Variants in CFAP99 observed in about 807,000 individuals in gnomAD.
The protein encoded by CFAP99 is cilia and flagella associated protein 99.
CFAP99 carries 84 observed loss-of-function variants against 82.7 expected under a neutral mutation model. That is an observed-to-expected ratio of 1.02 (90% CI 0.85 to 1.22). The LOEUF (loss-of-function observed/expected upper bound fraction) is 1.22, where lower values mean the gene tolerates loss of function less well. Ranked by LOEUF, CFAP99 falls within the 50% of genes most tolerant of loss-of-function variation. The pLI is 0.00. For missense variants in CFAP99, 1,059 were observed against 983.5 expected (o/e 1.08, Z -1.03); for synonymous variants, 456 against 429.5 (o/e 1.06, Z -0.76).
At chr4:2,433,432 G>A (rs1446027117) in intron 2 of CFAP99, among the ~76,000 whole-genome samples, 1 of 151,174 alleles carries the variant, frequency 6.6e-6, no homozygotes, top group Non-Finnish European at 1.5e-5. Context: ...CGGGGCGGGG[G>A]GGGGACCAGT....
In CFAP99 at chr4:2,459,270, G is replaced by A. The variant is rs1476544671; in HGVS notation, c.1455+12G>A. The A allele has an allele frequency of 1.3e-6, 2 of 1,524,690 alleles. No homozygotes were observed. Among genetic ancestry groups the A allele is most frequent in the Non-Finnish European group, 1.8e-6 (2 of 1,140,864 alleles). 94.4% of individuals were successfully genotyped at this position (1,524,690 alleles called of 1,614,324 possible). On this transcript the variant is annotated intron_variant, in intron 13 of 14. Coordinates refer to ENST00000635017, the Ensembl canonical transcript of CFAP99. ...TGGACCTGACCCAGGTGAGGATGCAGTCCTGGACGGGCCCATGCCTCAGGG... is the reference window on the plus strand; with the variant it reads ...TGGACCTGACCCAGGTGAGGATGCAATCCTGGACGGGCCCATGCCTCAGGG...
intron 13 of CFAP99, 133 bp downstream of exon 13, chr4:2,459,391 TC>T (rs1215679061): frequency 3.6e-6 from 4 of 1,106,254 alleles, no homozygotes; most frequent in Non-Finnish European, 5.0e-6. Flanking sequence ...CCCGCCACCC[TC>T]CGTGACTCAA....
chr4:2,443,161 T>C, exon 5 of CFAP99: 1 of 1,534,644 alleles, frequency 6.5e-7, no homozygotes, highest in Non-Finnish European at 8.7e-7. Flanking sequence ...CCCCTGCACC[T>C]GTGCTCATGG....
intron 1 of CFAP99, among the ~76,000 whole-genome samples, chr4:2,424,962 T>C (rs1733655205): frequency 6.6e-6 from 1 of 152,252 alleles, no homozygotes; most frequent in Non-Finnish European, 1.5e-5. Context: ...CTCCTGTTAA[T>C]TGGGGTTTGG....
At chr4:2,434,363 C>G (rs1234396416) in intron 2 of CFAP99, among the ~76,000 whole-genome samples, 3 of 152,136 alleles carry the variant, frequency 2.0e-5, no homozygotes, top group Non-Finnish European at 2.9e-5. Context: ...GGAACTGCAC[C>G]CTGAGCCCCT....
chr4:2,420,219 A>G (rs1243197851), intron 1 of CFAP99, among the ~76,000 whole-genome samples: 1 of 151,732 alleles, frequency 6.6e-6, no homozygotes, highest in African/African-American at 2.4e-5. Flanking sequence ...AACCTACTCT[A>G]TCCACTCCCT....
rs1734509854 is a variant in CFAP99, at chr4:2,459,112, G to A, written c.1309G>A (p.Glu437Lys). The change falls in exon 13 of 15, where the codon GAG (glutamate) becomes AAG (lysine). Residue 437 changes from glutamate to lysine, a missense_variant. Glu to Lys is a moderately conservative substitution (Grantham distance 56). Coordinates refer to ENST00000635017, the Ensembl canonical transcript of CFAP99. ...CTCCTGGCTTGGCCCCCAAGTTCAG[G>A]AGGCGATCGAGGAGAGCAGGGGGCT... 2 of 1,515,552 alleles carry A rather than the reference G, an allele frequency of 1.3e-6. No individual in the cohort carries two copies. Among genetic ancestry groups the A allele is most frequent in the African/African-American group, 2.8e-5 (2 of 72,474 alleles). 93.9% of individuals were successfully genotyped at this position (1,515,552 alleles called of 1,614,324 possible). A position where few individuals can be genotyped will look rare whatever the true frequency, so the allele number is the denominator to read the frequency against.
At chr4:2,440,760 T>C (rs1193787811) in intron 4 of CFAP99, among the ~76,000 whole-genome samples, 2 of 150,636 alleles carry the variant, frequency 1.3e-5, no homozygotes, top group Non-Finnish European at 3.0e-5. Context: ...ACCTGGCTAA[T>C]TTTTTTTGTA....
exon 11 of CFAP99, chr4:2,452,290 G>T (rs1257440276): frequency 3.3e-5 from 50 of 1,535,500 alleles, no homozygotes; most frequent in Non-Finnish European, 4.3e-5. Flanking sequence ...GGCCGTCCTA[G>T]CCCGGCAGAG....
intron 11 of CFAP99, among the ~76,000 whole-genome samples, chr4:2,458,001 G>C (rs1173624591): frequency 2.6e-5 from 4 of 152,162 alleles, no homozygotes. Flanking sequence ...TCCCAAGCGG[G>C]AGCCTTTTCT....
At chr4:2,432,683 G>C (rs1052222137) in intron 2 of CFAP99, among the ~76,000 whole-genome samples, 1 of 152,202 alleles carries the variant, frequency 6.6e-6, no homozygotes, top group Non-Finnish European at 1.5e-5. Context: ...AGTCTCTAGC[G>C]ATTGTGAATG....
Position 2,450,983 on chromosome 4 carries a change from C to T in CFAP99, c.832C>T (p.Arg278Ter), listed in dbSNP as rs1417042135. ...GCAGCTGCGGCTTCAGTTCCCACCC[C>T]GAATCCGAAAGACTCCGAAGCTGAC... The change falls in exon 9 of 15, where the codon CGA (arginine) becomes TGA (stop). Residue 278 changes from arginine to a stop codon, truncating the protein, a stop_gained. Transcript: ENST00000635017. LOFTEE classifies it high-confidence loss of function. 67 of 1,535,910 alleles carry T rather than the reference C, an allele frequency of 4.4e-5. No individual in the cohort carries two copies. The highest frequency in any genetic ancestry group is 5.1e-5 in the Non-Finnish European group (59 of 1,146,864).
intron 5 of CFAP99, among the ~76,000 whole-genome samples, chr4:2,444,167 G>A (rs1734110614): frequency 6.6e-6 from 1 of 152,170 alleles, no homozygotes; most frequent in African/African-American, 2.4e-5. Context: ...TCCAAAGGAA[G>A]GAGTAGGAGT....
intron 2 of CFAP99, among the ~76,000 whole-genome samples, chr4:2,430,108 A>G (rs71606394): frequency 0.052 from 6,704 of 129,886 alleles, 144 homozygotes; most frequent in Non-Finnish European, 0.068. Context: ...GTGAAATGCC[A>G]GAAAATTACG....
chr4:2,423,605 G>A (rs1733625920), intron 1 of CFAP99, among the ~76,000 whole-genome samples: 1 of 152,186 alleles, frequency 6.6e-6, no homozygotes, highest in Non-Finnish European at 1.5e-5. Flanking sequence ...AGGATGGGCT[G>A]AGGCAGCTTA....
chr4:2,462,957 G>A, downstream of CFAP99: 1 of 1,206,798 alleles, frequency 8.3e-7, no homozygotes, highest in African/African-American at 1.6e-5. This position sits in a 1 kb window ranked among gnomAD's most constrained non-coding sequence, Gnocchi z 4.1. Flanking sequence ...CCCGCTTGCG[G>A]GCCACCCCCT....
chr4:2,453,975 G>T (rs1283705902), intron 11 of CFAP99, among the ~76,000 whole-genome samples: 1 of 150,288 alleles, frequency 6.7e-6, no homozygotes, highest in African/African-American at 2.5e-5. Flanking sequence ...CACCATGCAT[G>T]GCTAATTTTT....
At chr4:2,451,549 G>A (rs1335493546) in intron 10 of CFAP99, among the ~76,000 whole-genome samples, 197 bp downstream of exon 10, 1 of 152,150 alleles carries the variant, frequency 6.6e-6, no homozygotes, top group African/African-American at 2.4e-5. Context: ...GATCATGCCG[G>A]CTCAGTGAGG....
exon 13 of CFAP99, chr4:2,459,178 C>A: frequency 6.5e-7 from 1 of 1,535,642 alleles, no homozygotes; most frequent in Non-Finnish European, 8.7e-7. Flanking sequence ...GGAGCAGCGG[C>A]GCCGTTGTGA....
Sources: gnomAD v4.1 joint callset for allele counts (sites outside exome capture counted in the v4.1 genomes callset) on GRCh38, gnomAD v4.1.1 for gene constraint, Gnocchi (gnomAD v3.1) non-coding constraint, MANE v1.5 for transcripts, NCBI Gene and HGNC (gene_info 2026-07-23, HGNC 2026-07-21) for gene names.